Variants in AUTS2 observed in about 807,000 individuals in gnomAD.
AUTS2 encodes activator of transcription and developmental regulator AUTS2.
Under a neutral mutation model 112.4 loss-of-function variants are expected in AUTS2, and 17 were observed. The ratio of observed to expected loss-of-function variants is 0.15; its 90% confidence interval spans 0.10 to 0.23. AUTS2 has a LOEUF of 0.23. Ranked by LOEUF, AUTS2 falls within the 10% of genes least tolerant of loss-of-function variation. The pLI is 1.00. For synonymous variants in AUTS2, 751 were observed against 702.7 expected, an observed-to-expected ratio of 1.07 and a Z score of -1.09; for missense variants, 1,510 against 1,701.6, an observed-to-expected ratio of 0.89 and a Z score of 1.98.
Position 69,935,292 on chromosome 7 carries a change from G to T in AUTS2, c.522+35794G>T, listed in dbSNP as rs532404762. ...GATATATGTGTTGCCAGGGTCCAAG[G>T]TGAAAAAGGAGAAGTGGTTTGAAAT... On this transcript the variant is annotated intron_variant, in intron 2 of 18. Coordinates refer to ENST00000342771, the MANE Select transcript of AUTS2 (RefSeq NM_015570.4). 2.0e-5 allele frequency among the ~76,000 whole-genome samples: 3 copies of T among 151,230 alleles called. No homozygotes were observed. In the East Asian group the frequency reaches 5.9e-4, roughly 30 times the overall value.
At chr7:70,596,221 C>G (rs992683462) in intron 5 of AUTS2, 1 of 152,412 alleles carries the variant, frequency 6.6e-6, no homozygotes, top group Non-Finnish European at 1.5e-5. Context: ...GAGGCATCCG[C>G]GAGCCGCGGG....
intron 2 of AUTS2, among the ~76,000 whole-genome samples, chr7:70,108,294 A>G (rs991610738): frequency 2.8e-4 from 43 of 152,186 alleles, no homozygotes; most frequent in African/African-American, 1.0e-3. Flanking sequence ...AGTATTTTAT[A>G]TTATAACAAA....
chr7:70,430,399 A>T (rs535555121), intron 4 of AUTS2, among the ~76,000 whole-genome samples: 1 of 152,214 alleles, frequency 6.6e-6, no homozygotes, highest in African/African-American at 2.4e-5. Flanking sequence ...CATACTTGGT[A>T]CCATGCACTA....
intron 5 of AUTS2, among the ~76,000 whole-genome samples, chr7:70,460,935 C>A (rs1796937972): frequency 6.6e-6 from 1 of 152,072 alleles, no homozygotes; most frequent in South Asian, 2.1e-4. Flanking sequence ...CCCAGAAGAA[C>A]TGGGGGATTG....
intron 1 of AUTS2, among the ~76,000 whole-genome samples, chr7:69,733,125 C>G (rs980941698): frequency 2.0e-5 from 3 of 152,096 alleles, no homozygotes; most frequent in African/African-American, 4.8e-5. Flanking sequence ...TAATTGGCTA[C>G]GGCTCAGGTG....
At chr7:70,036,786 T>C (rs934776401) in intron 2 of AUTS2, among the ~76,000 whole-genome samples, 1 of 152,246 alleles carries the variant, frequency 6.6e-6, no homozygotes, top group Non-Finnish European at 1.5e-5. Flanking sequence ...TGTCACTGGC[T>C]GTGCAGGCAC....
At chr7:70,303,434 GCACATACA>G (rs888395727) in intron 4 of AUTS2, among the ~76,000 whole-genome samples, 9 of 142,052 alleles carry the variant, frequency 6.3e-5, no homozygotes, top group Middle Eastern at 3.6e-3. Context: ...GCGCGCGCGC[GCACATACA>G]CACACACACA....
At chr7:70,141,988 C>T (rs1376413025) in intron 4 of AUTS2, among the ~76,000 whole-genome samples, 2 of 152,130 alleles carry the variant, frequency 1.3e-5, no homozygotes, top group South Asian at 2.1e-4. Flanking sequence ...AGAAATTTGA[C>T]AAAAAATAAT....
At chr7:70,736,083 G>C (rs962463568) in intron 6 of AUTS2, among the ~76,000 whole-genome samples, 4 of 151,982 alleles carry the variant, frequency 2.6e-5, no homozygotes, top group African/African-American at 9.7e-5. Flanking sequence ...TCATAACACT[G>C]TTAATAGACC....
chr7:70,096,745 C>T (rs1455650214), intron 2 of AUTS2, among the ~76,000 whole-genome samples: 1 of 151,584 alleles, frequency 6.6e-6, no homozygotes, highest in Admixed American at 6.6e-5. Flanking sequence ...TTGTCTTAAA[C>T]CTCCGAAAAT....
intron 2 of AUTS2, among the ~76,000 whole-genome samples, chr7:70,024,593 C>G (rs1481948421): frequency 6.6e-6 from 1 of 151,444 alleles, no homozygotes; most frequent in Non-Finnish European, 1.5e-5. Flanking sequence ...GTTTTTTTCT[C>G]TTTCTGTATC....
intron 4 of AUTS2, among the ~76,000 whole-genome samples, chr7:70,423,304 T>G (rs977470780): frequency 2.0e-5 from 3 of 152,214 alleles, no homozygotes; most frequent in African/African-American, 7.2e-5. Flanking sequence ...AGTCCTTAAA[T>G]CAATCTTGAA....
chr7:70,163,503 T>C (rs897171938), intron 4 of AUTS2, among the ~76,000 whole-genome samples: 5 of 152,106 alleles, frequency 3.3e-5, no homozygotes, highest in Admixed American at 6.5e-5. Context: ...CATATGCTAC[T>C]GGGAGAGAGG....
chr7:69,853,682 C>G (rs1372803525), intron 1 of AUTS2, among the ~76,000 whole-genome samples: 4 of 152,072 alleles, frequency 2.6e-5, no homozygotes, highest in African/African-American at 9.7e-5. Flanking sequence ...CCTAAGGTCC[C>G]TAGCAGTTCT....
At chr7:69,980,698 T>G (rs1450136856) in intron 2 of AUTS2, among the ~76,000 whole-genome samples, 1 of 152,164 alleles carries the variant, frequency 6.6e-6, no homozygotes, top group Admixed American at 6.5e-5. Context: ...GGTTTGCATC[T>G]TTGGCTATAC....
chr7:69,903,006 T>C (rs543061984), intron 2 of AUTS2, among the ~76,000 whole-genome samples: 145 of 152,324 alleles, frequency 9.5e-4, no homozygotes, highest in African/African-American at 3.3e-3. Context: ...ACAACTCTTA[T>C]ACAAAATAGC....
intron 4 of AUTS2, among the ~76,000 whole-genome samples, chr7:70,268,283 C>T (rs569828627): frequency 2.6e-5 from 4 of 152,226 alleles, no homozygotes; most frequent in Non-Finnish European, 2.9e-5. Context: ...TTGACTAAAT[C>T]GACTAGGAGT....
intron 5 of AUTS2, among the ~76,000 whole-genome samples, chr7:70,629,661 A>T (rs911467720): frequency 1.3e-5 from 2 of 152,080 alleles, no homozygotes; most frequent in Non-Finnish European, 2.9e-5. Flanking sequence ...TGAGCTGACC[A>T]TATAAGCTGA....
chr7:69,716,402 G>A (rs1798612916), intron 1 of AUTS2, among the ~76,000 whole-genome samples: 1 of 152,030 alleles, frequency 6.6e-6, no homozygotes. Context: ...GACCTGATTA[G>A]ACAAATTAAG....
Sources: allele counts gnomAD v4.1 joint callset (sites outside exome capture counted in the v4.1 genomes callset), GRCh38; gene constraint gnomAD v4.1.1; transcripts MANE v1.5; gene names NCBI Gene and HGNC (gene_info 2026-07-23, HGNC 2026-07-21).